The following AGPAT3 variants were observed in gnomAD, a reference collection of about 807,000 sequenced individuals.
AGPAT3 encodes 1-acyl-sn-glycerol-3-phosphate acyltransferase gamma.
Under a neutral mutation model 47.3 loss-of-function variants are expected in AGPAT3, and 5 were observed. The ratio of observed to expected loss-of-function variants is 0.11; its 90% CI spans 0.06 to 0.22. The LOEUF is 0.22. Ranked by LOEUF, AGPAT3 falls within the 10% of genes least tolerant of loss-of-function variation. The pLI is 1.00. For synonymous variants in AGPAT3, 212 were observed against 208.3 expected (o/e 1.02, Z -0.15); for missense variants, 315 against 493.0 (o/e 0.64, Z 3.42).
At chr21:43,949,861 C>T (rs1280455786) in intron 2 of AGPAT3, among the ~76,000 whole-genome samples, 1 of 152,226 alleles carries the variant, frequency 6.6e-6, no homozygotes, top group Non-Finnish European at 1.5e-5. Flanking sequence ...GTCTGCTGGG[C>T]CCCTCTCCTT....
At position 43,982,650 on chromosome 21, in the gene AGPAT3, C is replaced by T. The variant is rs896761587; in HGVS notation, c.*258C>T. ...TCCGGCCGGAGAGGCCTCCCGCGGACGCCGTCTCTCCAGAACTCCGCTTCC... is the reference window on the plus strand; with the variant it reads ...TCCGGCCGGAGAGGCCTCCCGCGGATGCCGTCTCTCCAGAACTCCGCTTCC... On this transcript the variant is annotated 3_prime_UTR_variant, in exon 10 of 10. Coordinates refer to ENST00000291572, the MANE Select transcript of AGPAT3 (RefSeq NM_020132.5). This position sits in a 1 kb window ranked among gnomAD's most constrained non-coding sequence, Gnocchi z 6.2. 9.3e-6 allele frequency: 3 copies of T among 322,698 alleles called. No homozygotes were observed. Among genetic ancestry groups the T allele is most frequent in the African/African-American group, 4.4e-5 (2 of 45,496 alleles). The allele number at this position is 322,698 out of a possible 1,614,324, so 20.0% of individuals were successfully genotyped here.
At chr21:43,913,176 G>C (rs2086662639) in intron 2 of AGPAT3, among the ~76,000 whole-genome samples, 1 of 152,190 alleles carries the variant, frequency 6.6e-6, no homozygotes, top group Non-Finnish European at 1.5e-5. Context: ...GATCCACATG[G>C]TCATCATGTA....
At chr21:43,959,463 ATG>A (rs1275741025) in intron 2 of AGPAT3, among the ~76,000 whole-genome samples, 169 bp from the exon 3 acceptor site, 4 of 137,558 alleles carry the variant, frequency 2.9e-5, no homozygotes, top group African/African-American at 5.2e-5. Flanking sequence ...TGTGTGTGGC[ATG>A]TGTGTGGTTT....
Position 43,985,417 on chromosome 21 carries a change from G to A in AGPAT3, c.*3025G>A, listed in dbSNP as rs1011110574. On this transcript the variant is annotated 3_prime_UTR_variant, in exon 10 of 10. Transcript: ENST00000291572. ...TTGTGTAAAAAAAAAAAAAAAGCAC[G>A]TCCTGTCGATGAATTTTGAGTCTCT... is the stretch of plus-strand genomic sequence containing the variant. 9 of 328,166 alleles carry A rather than the reference G, an allele frequency of 2.7e-5. No individual in the cohort carries two copies. The highest frequency in any genetic ancestry group is 8.5e-5 in the East Asian group (1 of 11,766). 20.3% of individuals were successfully genotyped at this position (328,166 alleles called of 1,614,324 possible).
At chr21:43,872,183 T>G (rs374251506) in intron 1 of AGPAT3, among the ~76,000 whole-genome samples, 14 of 152,066 alleles carry the variant, frequency 9.2e-5, no homozygotes, top group African/African-American at 2.2e-4. Context: ...ATGGTGTTTT[T>G]TTTTTTTTTT....
chr21:43,973,936 G>A (rs776465883), intron 7 of AGPAT3, among the ~76,000 whole-genome samples: 8 of 152,066 alleles, frequency 5.3e-5, no homozygotes, highest in Non-Finnish European at 1.2e-4. Context: ...TGACACCCTG[G>A]GGTGCAGAAA....
At chr21:43,912,564 A>G (rs1333421389) in intron 2 of AGPAT3, among the ~76,000 whole-genome samples, 1 of 152,258 alleles carries the variant, frequency 6.6e-6, no homozygotes, top group Non-Finnish European at 1.5e-5. Context: ...GGCTGCAGGA[A>G]GTGCCCTGAG....
rs1024036794 is a variant in AGPAT3, at chr21:43,952,134, C to T, written c.-48-7500C>T. On this transcript the variant is annotated intron_variant, in intron 2 of 9. Coordinates refer to ENST00000291572, the MANE Select transcript of AGPAT3 (RefSeq NM_020132.5). The surrounding 1 kb of genome is among the most constrained non-coding windows in gnomAD (Gnocchi z 5.6). ...CCTGGGATGAGGCGGCCTGTGAGTG[C>T]GATTGGGCTGTGTGACGGCACCAGA... Among the ~76,000 whole-genome samples, 6 of 152,166 alleles carry T rather than the reference C, an allele frequency of 3.9e-5. No homozygotes were observed. The highest frequency in any genetic ancestry group is 7.4e-5 in the Non-Finnish European group (5 of 68,004).
rs1428985372 is a variant in AGPAT3 at position 43,955,932 on chromosome 21, TTG to T, written c.-48-3701_-48-3700del. On this transcript the variant is annotated intron_variant, in intron 2 of 9. Transcript: ENST00000291572. The surrounding 1 kb of genome is among the most constrained non-coding windows in gnomAD (Gnocchi z 4.1). ...AAAAAAAAAATCAGATTCCTGTACT[TTG>T]CGCCGTAGCAACGGAATCAGCAGGT... Among the ~76,000 whole-genome samples, 1 of 151,956 alleles carries T rather than the reference TTG, an allele frequency of 6.6e-6. No individual in the cohort carries two copies. The highest frequency in any genetic ancestry group is 1.5e-5 in the Non-Finnish European group (1 of 67,988).
Position 43,933,062 on chromosome 21 carries a change from C to T in AGPAT3, c.-48-26572C>T, listed in dbSNP as rs546941472. Reference sequence around the variant, plus strand: ...GCCAGGTGCCTTTTCTCTGCGTTCTCGTCAACACCTGTTACATTCGTCTTT... The same window carrying T: ...GCCAGGTGCCTTTTCTCTGCGTTCTTGTCAACACCTGTTACATTCGTCTTT... On this transcript the variant is annotated intron_variant, in intron 2 of 9. Coordinates refer to ENST00000291572, the MANE Select transcript of AGPAT3 (RefSeq NM_020132.5). This position sits in a 1 kb window ranked among gnomAD's most constrained non-coding sequence, Gnocchi z 6.0. Among the ~76,000 whole-genome samples, 24 of 152,216 alleles carry T rather than the reference C, an allele frequency of 1.6e-4. No individual in the cohort carries two copies. The highest frequency in any genetic ancestry group is 3.1e-4 in the Non-Finnish European group (21 of 68,048).
In AGPAT3 at chr21:43,930,759, C is replaced by A. The variant is rs1053397066; in HGVS notation, c.-49+26740C>A. Among the ~76,000 whole-genome samples, 2 of 152,134 alleles carry A rather than the reference C, an allele frequency of 1.3e-5. No individual in the cohort carries two copies. Among genetic ancestry groups the A allele is most frequent in the African/African-American group, 4.8e-5 (2 of 41,438 alleles). On this transcript the variant is annotated intron_variant, in intron 2 of 9. Transcript: ENST00000291572. The surrounding 1 kb of genome is among the most constrained non-coding windows in gnomAD (Gnocchi z 5.0). ...GGGGGCTGCTGTAGGGCCAGTGTCC[C>A]CTCCTGGGGTGGCAGGAGGTGGCTC... is the stretch of plus-strand genomic sequence containing the variant.
chr21:43,886,734 A>G (rs139937447), intron 1 of AGPAT3, among the ~76,000 whole-genome samples: 2 of 152,160 alleles, frequency 1.3e-5, no homozygotes, highest in Non-Finnish European at 2.9e-5. Flanking sequence ...CACTTAATAT[A>G]ATGAGCTCCA....
In AGPAT3 at chr21:43,954,519, T is replaced by G. The variant is rs2088349572; in HGVS notation, c.-48-5115T>G. The G allele has an allele frequency of 6.6e-6, 1 of 152,202 alleles. No individual in the cohort carries two copies. The highest frequency in any genetic ancestry group is 1.5e-5 in the Non-Finnish European group (1 of 68,056). The allele number at this position is 152,202 out of a possible 1,614,324, so 9.4% of individuals were successfully genotyped here. A position where few individuals can be genotyped will look rare whatever the true frequency, so the allele number is the denominator to read the frequency against. ...GGAATGGAGTCTGGTCCATAGTAAGTGATGAAGATGTGTTTTGACTCCGTA... is the reference window on the plus strand; with the variant it reads ...GGAATGGAGTCTGGTCCATAGTAAGGGATGAAGATGTGTTTTGACTCCGTA... On this transcript the variant is annotated intron_variant, in intron 2 of 9. Coordinates refer to ENST00000291572, the MANE Select transcript of AGPAT3 (RefSeq NM_020132.5). The surrounding 1 kb of genome is among the most constrained non-coding windows in gnomAD (Gnocchi z 4.0).
intron 7 of AGPAT3, 80 bp from the exon 8 acceptor site, chr21:43,977,966 C>T (rs1009996682): frequency 8.6e-5 from 101 of 1,170,518 alleles, no homozygotes; most frequent in East Asian, 2.0e-4. Flanking sequence ...CCCTGGCACA[C>T]GACATGTTCC....
intron 1 of AGPAT3, among the ~76,000 whole-genome samples, chr21:43,873,522 C>T (rs534712557): frequency 2.3e-4 from 35 of 152,232 alleles, no homozygotes; most frequent in Admixed American, 9.8e-4. Flanking sequence ...GGATTACAGG[C>T]GCGCACCACC....
chr21:43,887,898 C>T (rs2086016090), intron 1 of AGPAT3, among the ~76,000 whole-genome samples: 1 of 152,268 alleles, frequency 6.6e-6, no homozygotes, highest in Non-Finnish European at 1.5e-5. Context: ...AAGTGAACTC[C>T]TGCCTCAGCC....
At chr21:43,904,756 G>A (rs898333757) in intron 2 of AGPAT3, among the ~76,000 whole-genome samples, 6 of 152,262 alleles carry the variant, frequency 3.9e-5, no homozygotes, top group African/African-American at 9.6e-5. Flanking sequence ...TGTGGCTGAT[G>A]AGGCTGCAGG....
At chr21:43,877,345 A>G (rs749323750) in intron 1 of AGPAT3, among the ~76,000 whole-genome samples, 1 of 152,248 alleles carries the variant, frequency 6.6e-6, no homozygotes, top group Non-Finnish European at 1.5e-5. Flanking sequence ...ACTGCTGTAC[A>G]TATACATGGC....
intron 2 of AGPAT3, among the ~76,000 whole-genome samples, chr21:43,907,060 C>G (rs2086517693): frequency 7.6e-6 from 1 of 131,618 alleles, no homozygotes; most frequent in African/African-American, 2.9e-5. Flanking sequence ...GAGAGGGGGT[C>G]TCTCTCTGTC....
Sources: gnomAD v4.1 joint callset for allele counts (sites outside exome capture counted in the v4.1 genomes callset) on GRCh38, gnomAD v4.1.1 for gene constraint, Gnocchi (gnomAD v3.1) non-coding constraint, MANE v1.5 for transcripts, NCBI Gene and HGNC (gene_info 2026-07-23, HGNC 2026-07-21) for gene names.